RSBN1: variants seen among roughly 807,000 people sequenced by gnomAD.
RSBN1 encodes the protein lysine-specific demethylase 9.
RSBN1 carries 23 observed loss-of-function variants against 74.8 expected under a neutral mutation model. The ratio of observed to expected loss-of-function variants is 0.31; its 90% CI spans 0.22 to 0.44. RSBN1 has a LOEUF of 0.44. Among genes scored for constraint, RSBN1 ranks in the 20% least tolerant of loss-of-function variants. RSBN1 has a pLI of 1.00. For missense variants in RSBN1, 808 were observed against 1,020.9 expected (o/e 0.79, Z 2.84); for synonymous variants, 407 against 379.6 (o/e 1.07, Z -0.84).
chr1:113,800,678 C>G (rs1400259956), intron 1 of RSBN1, among the ~76,000 whole-genome samples: 1 of 152,034 alleles, frequency 6.6e-6, no homozygotes, highest in Non-Finnish European at 1.5e-5. Context: ...GAAATTAGCA[C>G]CAAGAAAGAA....
intron 1 of RSBN1, 59 bp downstream of exon 1, chr1:113,811,651 C>A (rs1011212842): frequency 2.6e-6 from 4 of 1,515,138 alleles, no homozygotes; most frequent in African/African-American, 2.8e-5. Flanking sequence ...CCTAAAGATG[C>A]GGGATATCGG....
intron 1 of RSBN1, among the ~76,000 whole-genome samples, chr1:113,811,471 A>G (rs960112191): frequency 6.6e-6 from 1 of 152,204 alleles, no homozygotes; most frequent in Non-Finnish European, 1.5e-5. Flanking sequence ...AAATGCTGAG[A>G]GGCTCCGGGG....
At chr1:113,805,464 A>G (rs1346253051) in intron 1 of RSBN1, among the ~76,000 whole-genome samples, 2 of 152,224 alleles carry the variant, frequency 1.3e-5, no homozygotes, top group Non-Finnish European at 2.9e-5. Flanking sequence ...AGTTACACTC[A>G]AGCTTATTCC....
Position 113,766,198 on chromosome 1 carries a change from C to T in RSBN1, c.2191G>A (p.Glu731Lys). 1.2e-6 allele frequency: 2 copies of T among 1,614,112 alleles called. No individual in the cohort carries two copies. Among genetic ancestry groups the T allele is most frequent in the Non-Finnish European group, 1.7e-6 (2 of 1,179,980 alleles). ...DCGLTGKREL[E>K]VDSQCVRIKT... is the part of the protein sequence containing the mutation. ...ATCCTCACACATTGGGAGTCAACTT[C>T]TAATTCTCGCTTTCCAGTTAAACCA... is the stretch of plus-strand genomic sequence containing the variant. Residue 731 changes from glutamate (E) to lysine (K), a missense_variant, in exon 7 of 7, where the codon GAA (glutamate) becomes AAA (lysine). Glu to Lys is a moderately conservative substitution (Grantham distance 56). Around this residue, in one of 6 missense-constraint regions of RSBN1, gnomAD observed 91 missense variants for 99.6 expected, o/e 0.91. Coordinates refer to ENST00000261441, the MANE Select transcript of RSBN1 (RefSeq NM_018364.5).
intron 1 of RSBN1, among the ~76,000 whole-genome samples, chr1:113,810,974 G>A (rs1281727973): frequency 6.6e-6 from 1 of 152,050 alleles, no homozygotes; most frequent in Non-Finnish European, 1.5e-5. Context: ...ATTCTTGAGG[G>A]CTATTGGAAT....
At chr1:113,801,099 G>A (rs887298229) in intron 1 of RSBN1, among the ~76,000 whole-genome samples, 2 of 151,176 alleles carry the variant, frequency 1.3e-5, no homozygotes, top group African/African-American at 2.4e-5. Context: ...CCTGCCTCTC[G>A]GCCTTCTGAG....
intron 2 of RSBN1, among the ~76,000 whole-genome samples, chr1:113,783,980 A>G (rs947848131): frequency 6.6e-6 from 1 of 152,132 alleles, no homozygotes; most frequent in South Asian, 2.1e-4. Context: ...TTGCACAGAG[A>G]TATCATCTGG....
chr1:113,804,310 A>G (rs1660654177), intron 1 of RSBN1, among the ~76,000 whole-genome samples: 1 of 152,220 alleles, frequency 6.6e-6, no homozygotes, highest in African/African-American at 2.4e-5. Flanking sequence ...CCAAATGTCT[A>G]ATAGGGACCA....
At chr1:113,797,094 G>A (rs1318631444) in intron 2 of RSBN1, among the ~76,000 whole-genome samples, 1 of 152,122 alleles carries the variant, frequency 6.6e-6, no homozygotes, top group Admixed American at 6.5e-5. Flanking sequence ...CCCGATTTGT[G>A]AAAGACCAGG....
At position 113,763,598 on chromosome 1, in the gene RSBN1, TCA is replaced by T. The variant is rs1160484860; in HGVS notation, c.*2380_*2381del. 1 of 152,794 alleles carries T rather than the reference TCA, an allele frequency of 6.5e-6. No individual in the cohort carries two copies. The highest frequency in any genetic ancestry group is 1.5e-5 in the Non-Finnish European group (1 of 68,036). The allele number at this position is 152,794 out of a possible 1,614,324, so 9.5% of individuals were successfully genotyped here. A position where few individuals can be genotyped will look rare whatever the true frequency, so the allele number is the denominator to read the frequency against. ...AAAATCTAATACTCACATAGGACATTCAGTTTTCAGATCACGTTACTAGCTAA... is the reference window on the plus strand; with the variant it reads ...AAAATCTAATACTCACATAGGACATTGTTTTCAGATCACGTTACTAGCTAA... On this transcript the variant is annotated 3_prime_UTR_variant, in exon 7 of 7. Transcript: ENST00000261441.
At chr1:113,797,289 T>C in intron 2 of RSBN1, 74 bp downstream of exon 2, 2 of 1,178,308 alleles carry the variant, frequency 1.7e-6, no homozygotes, top group East Asian at 2.4e-5. Flanking sequence ...TGCTGGTATG[T>C]GCTGTGCGAC....
chr1:113,782,692 G>A (rs924795582), intron 2 of RSBN1, among the ~76,000 whole-genome samples: 3 of 152,112 alleles, frequency 2.0e-5, no homozygotes, highest in Non-Finnish European at 2.9e-5. Context: ...TCATGTGGTC[G>A]TTCTATTTTT....
intron 1 of RSBN1, among the ~76,000 whole-genome samples, chr1:113,798,828 A>G (rs779627354): frequency 3.3e-5 from 5 of 152,190 alleles, no homozygotes; most frequent in Non-Finnish European, 7.4e-5. Context: ...ATTATAAAAC[A>G]CTACTCAGCC....
chr1:113,796,480 G>A (rs1262758671), intron 2 of RSBN1, among the ~76,000 whole-genome samples: 5 of 151,814 alleles, frequency 3.3e-5, no homozygotes, highest in Non-Finnish European at 5.9e-5. Context: ...GTCTTATTAC[G>A]GCAACAATCT....
rs1659777701 is a variant in RSBN1, at chr1:113,766,190, G to A, written c.2199C>T (p.Asp733=). The change falls in exon 7 of 7, where the codon GAC becomes GAT. Residue 733 remains aspartate, a synonymous_variant. Transcript: ENST00000261441. The part of the protein sequence containing the change: ...GLTGKRELEV[D]SQCVRIKTES... Reference sequence around the variant, plus strand: ...CAGTTTTTATCCTCACACATTGGGAGTCAACTTCTAATTCTCGCTTTCCAG... The same window carrying A: ...CAGTTTTTATCCTCACACATTGGGAATCAACTTCTAATTCTCGCTTTCCAG... 2 of 1,614,080 alleles carry A rather than the reference G, an allele frequency of 1.2e-6. No homozygotes were observed. Among genetic ancestry groups the A allele is most frequent in the East Asian group, 4.5e-5 (2 of 44,878 alleles).
At position 113,777,167 on chromosome 1, in the gene RSBN1, A is replaced by T. The variant is rs769754090; in HGVS notation, c.1658+43T>A. The stretch of plus-strand genomic sequence containing the variant: ...TGCTCATTTTTATAAGCAACCAACT[A>T]AAAAAAAGTAGTTTTGCTTATTTGA... On this transcript the variant is annotated intron_variant, in intron 4 of 6. Transcript: ENST00000261441. 29 of 1,538,002 alleles carry T rather than the reference A, an allele frequency of 1.9e-5. No homozygotes were observed. The Admixed American group carries it at 3.7e-4, about 20-fold the overall frequency.
intron 4 of RSBN1, among the ~76,000 whole-genome samples, chr1:113,771,554 A>C (rs920827423): frequency 1.3e-5 from 2 of 151,544 alleles, no homozygotes; most frequent in African/African-American, 2.4e-5. Flanking sequence ...TCTAAAAGGC[A>C]TGAGGATATG....
At chr1:113,792,035 CA>C (rs1234664117) in intron 2 of RSBN1, among the ~76,000 whole-genome samples, 36 of 152,050 alleles carry the variant, frequency 2.4e-4, no homozygotes, top group Admixed American at 1.3e-3. Context: ...TTATACACGC[CA>C]ATGCTACAGA....
At chr1:113,789,455 C>T (rs932473338) in intron 2 of RSBN1, among the ~76,000 whole-genome samples, 1 of 152,142 alleles carries the variant, frequency 6.6e-6, no homozygotes, top group Non-Finnish European at 1.5e-5. Flanking sequence ...TTAACATATC[C>T]ATCACACTAA....
Sources: allele counts gnomAD v4.1 joint callset (sites outside exome capture counted in the v4.1 genomes callset), GRCh38; gene constraint gnomAD v4.1.1; regional missense constraint gnomAD v4.1.1; transcripts MANE v1.5; gene names NCBI Gene and HGNC (gene_info 2026-07-23, HGNC 2026-07-21).